Variants in PCDHGA6 observed in about 807,000 individuals in gnomAD.
PCDHGA6 encodes protocadherin gamma subfamily A, 6.
PCDHGA6 carries 41 observed loss-of-function variants against 60.6 expected under a neutral mutation model. The ratio of observed to expected loss-of-function variants is 0.68; its 90% CI spans 0.53 to 0.88. The LOEUF is 0.88. PCDHGA6 is among the 40% of genes least tolerant of loss of function. The pLI is 0.00. For missense variants in PCDHGA6, 1,312 were observed against 1,203.0 expected (o/e 1.09, Z -1.34); for synonymous variants, 594 against 524.4 (o/e 1.13, Z -1.81).
At position 141,476,973 on chromosome 5, in the gene PCDHGA6, A is replaced by C. The variant is rs1205314116; in HGVS notation, c.2425-17834A>C. Reference sequence around the variant, plus strand: ...GAAATTATTTACTCCTTCGGCAGCCACAACCGCGCCGGCGTGCGGCAACTA... The same window carrying C: ...GAAATTATTTACTCCTTCGGCAGCCCCAACCGCGCCGGCGTGCGGCAACTA... On this transcript the variant is annotated intron_variant, in intron 1 of 3. Coordinates refer to ENST00000517434, the MANE Select transcript of PCDHGA6 (RefSeq NM_018919.3). The surrounding 1 kb of genome is among the most constrained non-coding windows in gnomAD (Gnocchi z 7.6). 6.2e-7 allele frequency: 1 copy of C among 1,614,230 alleles called. No homozygotes were observed. The highest frequency in any genetic ancestry group is 2.2e-5 in the East Asian group (1 of 44,884).
intron 2 of PCDHGA6, among the ~76,000 whole-genome samples, chr5:141,495,587 C>T (rs1391263118): frequency 6.6e-6 from 1 of 152,238 alleles, no homozygotes. Context: ...TTCTCCATCT[C>T]TGTCTTAGCT....
intron 1 of PCDHGA6, chr5:141,427,665 G>A (rs763897261): frequency 1.3e-5 from 10 of 782,298 alleles, no homozygotes; most frequent in Admixed American, 3.9e-5. Flanking sequence ...CCACGTGGCC[G>A]AAAACAACCT....
intron 1 of PCDHGA6, among the ~76,000 whole-genome samples, chr5:141,471,118 A>G (rs58897068): frequency 0.11 from 15,938 of 141,604 alleles, 871 homozygotes; most frequent in South Asian, 0.16. Flanking sequence ...GTGCGATCTT[A>G]CCTTCACTGC....
intron 1 of PCDHGA6, among the ~76,000 whole-genome samples, chr5:141,396,846 C>T (rs2093443938): frequency 6.6e-6 from 1 of 152,166 alleles, no homozygotes; most frequent in Admixed American, 6.5e-5. Flanking sequence ...TGGGAGTTAA[C>T]TTCATAGTTT....
At position 141,415,772 on chromosome 5, in the gene PCDHGA6, T is replaced by A. The variant is rs540545854; in HGVS notation, c.2424+39265T>A. On this transcript the variant is annotated intron_variant, in intron 1 of 3. Coordinates refer to ENST00000517434, the MANE Select transcript of PCDHGA6 (RefSeq NM_018919.3). ...TTTTTTTTTTTTTTTTTTTTTTTTT[T>A]ACTTTCTGGTAAAATTCACCTAGTC... is the stretch of plus-strand genomic sequence containing the variant. 5,409 of 1,336,512 alleles carry A rather than the reference T, an allele frequency of 4.0e-3. 27 individuals carry two copies. The highest frequency in any genetic ancestry group is 7.3e-3 in the Admixed American group (200 of 27,462). 82.8% of individuals were successfully genotyped at this position (1,336,512 alleles called of 1,614,324 possible).
chr5:141,430,766 C>T, intron 1 of PCDHGA6: 1 of 1,504,534 alleles, frequency 6.6e-7, no homozygotes, highest in Non-Finnish European at 8.9e-7. Context: ...AAGAATGATT[C>T]CTGCGCGACT....
Position 141,505,432 on chromosome 5 carries a change from C to T in PCDHGA6, c.2523C>T (p.Asn841=), listed in dbSNP as rs776731214. Residue 841 remains asparagine, a synonymous_variant, in exon 3 of 4, where the codon AAC becomes AAT. Transcript: ENST00000517434. ...ATGACACCGGCACCTGGCCCAACAA[C>T]CAGTTTGACACAGAGATGCTGCAAG... ...NGDDTGTWPN[N]QFDTEMLQAM... 6.2e-7 allele frequency: 1 copy of T among 1,614,252 alleles called. No homozygotes were observed. Among genetic ancestry groups the T allele is most frequent in the Non-Finnish European group, 8.5e-7 (1 of 1,180,048 alleles).
intron 1 of PCDHGA6, chr5:141,478,470 G>A (rs753075137): frequency 1.2e-6 from 2 of 1,613,686 alleles, no homozygotes; most frequent in Non-Finnish European, 1.7e-6. Context: ...CTGGCCAGCC[G>A]CCAGAACACG....
intron 1 of PCDHGA6, chr5:141,383,678 G>C: frequency 1.2e-6 from 2 of 1,614,036 alleles, no homozygotes; most frequent in East Asian, 4.5e-5. Flanking sequence ...GTGGGTACAA[G>C]ACTGCTCACG....
chr5:141,468,274 G>A (rs1461428449), intron 1 of PCDHGA6, among the ~76,000 whole-genome samples: 1 of 144,906 alleles, frequency 6.9e-6, no homozygotes, highest in Non-Finnish European at 1.5e-5. Flanking sequence ...GTGGTGAGCC[G>A]AGACCACGCC....
Position 141,481,023 on chromosome 5 carries a change from A to G in PCDHGA6, c.2425-13784A>G, listed in dbSNP as rs546827260. On this transcript the variant is annotated intron_variant, in intron 1 of 3. Transcript: ENST00000517434. ...CAGTGAGCCCAGATCACACCACTGC[A>G]CTCCAGCCTGGGCGACAGAGCGAGA... Among the ~76,000 whole-genome samples the G allele has an allele frequency of 9.0e-4, 137 of 152,218 alleles. 1 individual carries two copies. The highest frequency in any genetic ancestry group is 3.2e-3 in the African/African-American group (132 of 41,516).
intron 1 of PCDHGA6, among the ~76,000 whole-genome samples, chr5:141,483,618 C>T (rs1441906179): frequency 6.6e-6 from 1 of 151,536 alleles, no homozygotes; most frequent in Non-Finnish European, 1.5e-5. Flanking sequence ...TCCATCATTC[C>T]CATGGGAGAA....
intron 1 of PCDHGA6, among the ~76,000 whole-genome samples, chr5:141,448,813 C>T (rs1020956433): frequency 2.0e-5 from 3 of 151,800 alleles, no homozygotes; most frequent in Admixed American, 1.3e-4. Context: ...GGCGTGATGG[C>T]GGGCGCCTGT....
At chr5:141,419,023 A>T (rs768427376) in intron 1 of PCDHGA6, 2 of 1,613,958 alleles carry the variant, frequency 1.2e-6, no homozygotes, top group Non-Finnish European at 1.7e-6. Flanking sequence ...GCTTAAGTAG[A>T]GGTGTTCCAT....
At chr5:141,481,913 CAAA>C (rs34114744) in intron 1 of PCDHGA6, among the ~76,000 whole-genome samples, 50 of 90,788 alleles carry the variant, frequency 5.5e-4, no homozygotes, top group African/African-American at 7.1e-4. Flanking sequence ...AACTCCATCT[CAAA>C]AAAAAAAAAA....
intron 1 of PCDHGA6, chr5:141,385,017 C>T: frequency 6.2e-7 from 1 of 1,614,188 alleles, no homozygotes; most frequent in Non-Finnish European, 8.5e-7. Context: ...TCTTCCTAGC[C>T]TTCGTCCTCG....
chr5:141,418,313 A>G (rs750036471), intron 1 of PCDHGA6: 2 of 1,614,038 alleles, frequency 1.2e-6, no homozygotes, highest in Middle Eastern at 1.6e-4. Context: ...GGGGATGGGA[A>G]CAATTCTTGA....
chr5:141,490,597 C>T lies in PCDHGA6; in HGVS notation c.2425-4210C>T, dbSNP rs781077720. Reference sequence around the variant, plus strand: ...TTCAGATGTCAATGACAATGCACCCCGCTTCAACCAGCAGCTTTACACTGC... The same window carrying T: ...TTCAGATGTCAATGACAATGCACCCTGCTTCAACCAGCAGCTTTACACTGC... On this transcript the variant is annotated intron_variant, in intron 1 of 3. Coordinates refer to ENST00000517434, the MANE Select transcript of PCDHGA6 (RefSeq NM_018919.3). The surrounding 1 kb of genome is among the most constrained non-coding windows in gnomAD (Gnocchi z 5.4). The T allele has an allele frequency of 1.2e-5, 20 of 1,614,182 alleles. No homozygotes were observed. The highest frequency in any genetic ancestry group is 3.3e-5 in the Admixed American group (2 of 60,026).
chr5:141,507,296 C>T (rs1020117646), intron 3 of PCDHGA6: 1 of 141,360 alleles, frequency 7.1e-6, no homozygotes, highest in Non-Finnish European at 1.5e-5. Flanking sequence ...TCAAATGTTG[C>T]ATGAGACATA....
Sources: gnomAD v4.1 joint callset for allele counts (sites outside exome capture counted in the v4.1 genomes callset) on GRCh38, gnomAD v4.1.1 for gene constraint, Gnocchi (gnomAD v3.1) non-coding constraint, MANE v1.5 for transcripts, NCBI Gene and HGNC (gene_info 2026-07-23, HGNC 2026-07-21) for gene names.